IPPK: variants seen among roughly 807,000 people sequenced by gnomAD.
IPPK encodes the protein inositol-pentakisphosphate 2-kinase.
A neutral mutation model predicts 64.6 loss-of-function variants in IPPK; 22 were observed. That is an observed-to-expected ratio of 0.34 (90% CI 0.24 to 0.49). The LOEUF (loss-of-function observed/expected upper bound fraction) is 0.49. Ranked by LOEUF, IPPK falls within the 20% of genes least tolerant of loss-of-function variation. The pLI is 0.99. For missense variants in IPPK, 532 were observed against 630.7 expected (o/e 0.84, Z 1.68); for synonymous variants, 262 against 247.2 (o/e 1.06, Z -0.56).
chr9:92,652,637 C>A lies in IPPK; in HGVS notation c.228G>T (p.Glu76Asp). 2 of 1,553,068 alleles carry A rather than the reference C, an allele frequency of 1.3e-6. No homozygotes were observed. Among genetic ancestry groups the A allele is most frequent in the South Asian group, 1.2e-5 (1 of 84,608 alleles). ...FLGENYVHYG[E>D]VVQLPLEFVK... ...CAAACTCTAAAGGTAGCTGAACGAC[C>A]TCCTGTAAGAAAATACATGAAATTC... Residue 76 changes from glutamate (E) to aspartate (D), a missense_variant and splice_region_variant, in exon 4 of 13, where the codon GAG (glutamate) becomes GAT (aspartate). By Grantham distance (45) the Glu-to-Asp change is conservative. Transcript: ENST00000287996.
chr9:92,633,271 A>G (rs1396121711), intron 11 of IPPK, among the ~76,000 whole-genome samples: 2 of 152,044 alleles, frequency 1.3e-5, no homozygotes, highest in Admixed American at 6.5e-5. Context: ...TCAGCCTCCC[A>G]AAGTGCTGGG....
At chr9:92,642,723 A>C (rs769519490) in intron 7 of IPPK, 29 bp downstream of exon 7, 2 of 1,605,056 alleles carry the variant, frequency 1.2e-6, no homozygotes, top group Admixed American at 3.3e-5. Context: ...AACCTGACAC[A>C]AGGGGGCAAA....
intron 8 of IPPK, among the ~76,000 whole-genome samples, chr9:92,638,802 C>T: frequency 6.6e-6 from 1 of 152,224 alleles, no homozygotes; most frequent in South Asian, 2.1e-4. Flanking sequence ...GCTGGCATCA[C>T]CAGTATGGTC....
At chr9:92,650,609 C>T (rs1401987905) in intron 4 of IPPK, among the ~76,000 whole-genome samples, 2 of 152,208 alleles carry the variant, frequency 1.3e-5, no homozygotes. Context: ...GACCCCACCC[C>T]TGCACCTCTC....
At chr9:92,637,669 C>G (rs567896471) in intron 9 of IPPK, among the ~76,000 whole-genome samples, 13 of 152,300 alleles carry the variant, frequency 8.5e-5, no homozygotes, top group African/African-American at 2.4e-4. Flanking sequence ...ACCTGTCCCC[C>G]GGGTTGCAAT....
At chr9:92,650,222 C>T (rs1852236634) in intron 4 of IPPK, among the ~76,000 whole-genome samples, 1 of 141,916 alleles carries the variant, frequency 7.0e-6, no homozygotes, top group Non-Finnish European at 1.5e-5. Flanking sequence ...ACTCGGGAGG[C>T]GTAGGCAGGA....
At chr9:92,642,622 GC>G in intron 7 of IPPK, 129 bp downstream of exon 7, 2 of 731,344 alleles carry the variant, frequency 2.7e-6, no homozygotes, top group Non-Finnish European at 4.8e-6. Context: ...GCAAAAGAGA[GC>G]CCTGAAGACA....
intron 1 of IPPK, among the ~76,000 whole-genome samples, chr9:92,659,727 C>T (rs1006975987): frequency 7.2e-5 from 11 of 152,070 alleles, no homozygotes; most frequent in African/African-American, 2.2e-4. Flanking sequence ...TCAAAAGATG[C>T]CTAAGGAGCA....
chr9:92,649,653 CT>C, intron 4 of IPPK, 79 bp from the exon 5 acceptor site: 1 of 1,550,934 alleles, frequency 6.4e-7, no homozygotes, highest in Non-Finnish European at 8.8e-7. Flanking sequence ...CAGGCCCCGC[CT>C]TGTCCCTGGT....
At chr9:92,624,443 A>G (rs1851699081) in intron 11 of IPPK, among the ~76,000 whole-genome samples, 1 of 151,848 alleles carries the variant, frequency 6.6e-6, no homozygotes, top group East Asian at 1.9e-4. Flanking sequence ...TGGGTGACAG[A>G]GCAAGACTCC....
chr9:92,620,915 A>C (rs1468844161), intron 11 of IPPK, among the ~76,000 whole-genome samples: 1 of 152,186 alleles, frequency 6.6e-6, no homozygotes, highest in Non-Finnish European at 1.5e-5. Flanking sequence ...CTATCACGAA[A>C]TGCCCAAAAC....
intron 12 of IPPK, chr9:92,616,429 T>C (rs1851438930): frequency 5.8e-6 from 1 of 173,376 alleles, no homozygotes; most frequent in African/African-American, 2.4e-5. Context: ...CCCAGTGGTA[T>C]AAACGAACGC....
chr9:92,619,464 T>C (rs1851553305), intron 12 of IPPK, 22 bp downstream of exon 12: 1 of 1,560,636 alleles, frequency 6.4e-7, no homozygotes, highest in South Asian at 1.2e-5. Context: ...CCAGGCTGCA[T>C]GCCTTGCAGT....
intron 11 of IPPK, among the ~76,000 whole-genome samples, chr9:92,622,792 A>G (rs1851666656): frequency 6.6e-6 from 1 of 152,084 alleles, no homozygotes; most frequent in Non-Finnish European, 1.5e-5. Flanking sequence ...TGATTCTCAA[A>G]TTCATGTAGA....
At chr9:92,634,520 AC>A in intron 10 of IPPK, 32 bp from the exon 11 acceptor site, 1 of 1,481,804 alleles carries the variant, frequency 6.7e-7, no homozygotes, top group Middle Eastern at 1.7e-4. Flanking sequence ...AAACAGGATG[AC>A]AAAGCCGCAC....
At chr9:92,661,333 G>T (rs1238747391) in intron 1 of IPPK, among the ~76,000 whole-genome samples, 1 of 152,230 alleles carries the variant, frequency 6.6e-6, no homozygotes, top group Non-Finnish European at 1.5e-5. Context: ...CAAGTTTAGA[G>T]GAGGGCCTGG....
At chr9:92,667,043 C>G (rs1852613848) in intron 1 of IPPK, among the ~76,000 whole-genome samples, 1 of 152,252 alleles carries the variant, frequency 6.6e-6, no homozygotes, top group African/African-American at 2.4e-5. Context: ...CGAGCTCAGG[C>G]TGGCTGAAGG....
intron 11 of IPPK, among the ~76,000 whole-genome samples, chr9:92,628,312 C>T (rs1285804864): frequency 6.6e-6 from 1 of 152,148 alleles, no homozygotes; most frequent in African/African-American, 2.4e-5. Flanking sequence ...TCTTTGTAGA[C>T]GAAGCTGATT....
At position 92,613,244 on chromosome 9, in the gene IPPK, A is replaced by G; in HGVS notation, c.*2588T>C. ...ATTTGCTATTTTCTGCTTAGAAACCACACCCTGAAGACGTGCTGTCTATGC... is the reference window on the plus strand; with the variant it reads ...ATTTGCTATTTTCTGCTTAGAAACCGCACCCTGAAGACGTGCTGTCTATGC... On this transcript the variant is annotated 3_prime_UTR_variant, in exon 13 of 13. Coordinates refer to ENST00000287996, the MANE Select transcript of IPPK (RefSeq NM_022755.6). 1 of 1,481,398 alleles carries G rather than the reference A, an allele frequency of 6.8e-7. No homozygotes were observed. The highest frequency in any genetic ancestry group is 1.7e-5 in the Admixed American group (1 of 58,564). 91.8% of individuals were successfully genotyped at this position (1,481,398 alleles called of 1,614,324 possible). A position where few individuals can be genotyped will look rare whatever the true frequency, so the allele number is the denominator to read the frequency against.
Sources: gnomAD v4.1 joint callset for allele counts (sites outside exome capture counted in the v4.1 genomes callset) on GRCh38, gnomAD v4.1.1 for gene constraint, MANE v1.5 for transcripts, NCBI Gene and HGNC (gene_info 2026-07-23, HGNC 2026-07-21) for gene names.